Variants in LIG1 observed in about 807,000 individuals in gnomAD.
LIG1 encodes DNA ligase 1, also known as ligase I, DNA, ATP-dependent.
In LIG1, 70 loss-of-function variants were observed where a neutral mutation model predicts 115.7. The ratio of observed to expected loss-of-function variants is 0.60; its 90% CI spans 0.50 to 0.74. The LOEUF (loss-of-function observed/expected upper bound fraction) is 0.74. Among genes scored for constraint, LIG1 ranks in the 30% least tolerant of loss-of-function variants. The pLI is 0.00. For missense variants in LIG1, 1,115 were observed against 1,225.6 expected (o/e 0.91, Z 1.35); for synonymous variants, 487 against 495.3 (o/e 0.98, Z 0.22).
rs762481517 is a variant in LIG1 at position 48,115,694 on chromosome 19, G to A, written c.2715C>T (p.Asn905=). The change falls in exon 28 of 28, where the codon AAC becomes AAT. Residue 905 remains asparagine (N), a synonymous_variant. Transcript: ENST00000263274. The stretch of plus-strand genomic sequence containing the variant: ...CAGAGCCTGAGTCCTCGCCTTGTTG[G>A]TTCTGAATCTGACTTTGCTTCCGGT... ...CLYRKQSQIQ[N]QQGEDSGSDP... is the part of the protein sequence containing the mutation. 6.2e-7 allele frequency: 1 copy of A among 1,614,182 alleles called. No homozygotes were observed. Among genetic ancestry groups the A allele is most frequent in the East Asian group, 2.2e-5 (1 of 44,888 alleles).
chr19:48,150,004 G>T, intron 8 of LIG1, 84 bp downstream of exon 8: 1 of 1,603,388 alleles, frequency 6.2e-7, no homozygotes, highest in Non-Finnish European at 8.5e-7. Context: ...AAGGGTCTTC[G>T]CAGCATCTCA....
intron 21 of LIG1, among the ~76,000 whole-genome samples, chr19:48,125,570 C>T (rs746228965): frequency 2.6e-5 from 4 of 152,116 alleles, no homozygotes; most frequent in African/African-American, 4.8e-5. Context: ...AAAAGACACG[C>T]GGAGGCAAGT....
chr19:48,163,123 G>A (rs2123043552), intron 2 of LIG1, among the ~76,000 whole-genome samples: 1 of 151,612 alleles, frequency 6.6e-6, no homozygotes, highest in Middle Eastern at 3.4e-3. Context: ...TCTCCATGTT[G>A]GCCAGGCCAG....
chr19:48,170,278 A>T lies in LIG1; in HGVS notation c.-95T>A, dbSNP rs867278155. 2.0e-5 allele frequency: 9 copies of T among 454,288 alleles called. No individual in the cohort carries two copies. In the Middle Eastern group the frequency reaches 2.9e-3, roughly 149 times the overall value. 28.1% of individuals were successfully genotyped at this position (454,288 alleles called of 1,614,324 possible). A position where few individuals can be genotyped will look rare whatever the true frequency, so the allele number is the denominator to read the frequency against. On this transcript the variant is annotated 5_prime_UTR_variant, in exon 1 of 28. Transcript: ENST00000263274. ...CCGCGCGCCGCTGCCCGGGCAACAC[A>T]CTCAGATCCGCCAGGCGCGCCTCTG...
At chr19:48,161,927 G>A (rs2036203450) in intron 3 of LIG1, among the ~76,000 whole-genome samples, 1 of 150,386 alleles carries the variant, frequency 6.6e-6, no homozygotes, top group East Asian at 2.0e-4. Flanking sequence ...GTGAGAGTGA[G>A]ACTCCATTTC....
At chr19:48,141,869 C>T (rs953396806) in intron 11 of LIG1, among the ~76,000 whole-genome samples, 1 of 152,072 alleles carries the variant, frequency 6.6e-6, no homozygotes, top group African/African-American at 2.4e-5. Flanking sequence ...GATGGAACAG[C>T]CCCCCCAAAA....
Position 48,121,175 on chromosome 19 carries a change from A to G in LIG1, c.2380T>C (p.Cys794Arg). Residue 794 changes from cysteine (C) to arginine (R), a missense_variant, in exon 24 of 28, where the codon TGC becomes CGC. Cys to Arg is a radical substitution (Grantham distance 180). Transcript: ENST00000263274. ...DEDSEELQAI[C>R]KLGTGFSDEE... is the part of the protein sequence containing the mutation. ...CAGCCCCAGTTCCCCAGGACCTTGC[A>G]TATGGCCTGCAGCTCCTCACTGTCC... is the stretch of plus-strand genomic sequence containing the variant. 1.2e-6 allele frequency: 2 copies of G among 1,614,102 alleles called. No homozygotes were observed. The highest frequency in any genetic ancestry group is 1.7e-6 in the Non-Finnish European group (2 of 1,180,008).
intron 17 of LIG1, 55 bp from the exon 18 acceptor site, chr19:48,133,152 G>T: frequency 8.7e-7 from 1 of 1,143,976 alleles, no homozygotes; most frequent in Non-Finnish European, 1.3e-6. Flanking sequence ...ATTAGAGGGG[G>T]AACATGGAGA....
chr19:48,162,268 G>A lies in LIG1; in HGVS notation c.101C>T (p.Pro34Leu), dbSNP rs2036223074. ...TCCCAGCCCTGTGACATACTTTGGA[G>A]GGGGCTCCGTCTCTCTGCTGCTATT... ...ASNSSRETEP[P>L]PKAALKEWNG... Residue 34 changes from proline (P) to leucine (L), a missense_variant, in exon 3 of 28, where the codon CCT becomes CTT. Physicochemically the swap from Pro to Leu is moderately conservative, Grantham distance 98 (BLOSUM62 -3). Coordinates refer to ENST00000263274, the MANE Select transcript of LIG1 (RefSeq NM_000234.3). 1 of 1,612,922 alleles carries A rather than the reference G, an allele frequency of 6.2e-7. No individual in the cohort carries two copies. Among genetic ancestry groups the A allele is most frequent in the African/African-American group, 1.3e-5 (1 of 74,880 alleles).
At chr19:48,167,904 G>T (rs1276525010) in intron 1 of LIG1, among the ~76,000 whole-genome samples, 1 of 151,886 alleles carries the variant, frequency 6.6e-6, no homozygotes, top group Non-Finnish European at 1.5e-5. Context: ...GGGCCAGTTG[G>T]GGAGCAGGAA....
chr19:48,115,904 T>C lies in LIG1; in HGVS notation c.2645A>G (p.Lys882Arg), dbSNP rs745417422. ...FPRFIRVRED[K>R]QPEQATTSAQ... is the part of the protein sequence containing the mutation. ...ACTGGTGGTGGCCTGCTCCGGCTGCTTGTCTTCACGGACTCGAATAAACCG... is the reference window on the plus strand; with the variant it reads ...ACTGGTGGTGGCCTGCTCCGGCTGCCTGTCTTCACGGACTCGAATAAACCG... The change falls in exon 27 of 28, where the codon AAG (lysine) becomes AGG (arginine). Residue 882 changes from lysine (K) to arginine (R), a missense_variant. Transcript: ENST00000263274. 6.2e-7 allele frequency: 1 copy of C among 1,614,014 alleles called. No individual in the cohort carries two copies. The highest frequency in any genetic ancestry group is 8.5e-7 in the Non-Finnish European group (1 of 1,180,002).
rs772372146 is a variant in LIG1 at position 48,137,646 on chromosome 19, C to T, written c.1130G>A (p.Gly377Asp). ...GTTCTCGGCCACCAGCCCCACGTCG[C>T]CTTTCTCGGCTGCCTCAGCCCGGAC... ...ESVRAEAAEK[G>D]DVGLVAENSR... The change falls in exon 13 of 28, where the codon GGC becomes GAC. Residue 377 changes from glycine (G) to aspartate (D), a missense_variant. Gly to Asp is a moderately conservative substitution (Grantham distance 94). Transcript: ENST00000263274. The surrounding 1 kb of genome is among the most constrained non-coding windows in gnomAD (Gnocchi z 4.3). 1.2e-6 allele frequency: 2 copies of T among 1,609,068 alleles called. No homozygotes were observed. The highest frequency in any genetic ancestry group is 2.2e-5 in the South Asian group (2 of 91,054).
In LIG1 at chr19:48,133,978, T is replaced by C. The variant is rs1230602763; in HGVS notation, c.1609+3A>G. Reference sequence around the variant, plus strand: ...GGCTGGTGAGCGCCCCTGGGGCCTGTACCTGGGCTCAGCTTGCAGTGCTCC... The same window carrying C: ...GGCTGGTGAGCGCCCCTGGGGCCTGCACCTGGGCTCAGCTTGCAGTGCTCC... On this transcript the variant is annotated splice_donor_region_variant and intron_variant, in intron 17 of 27. Coordinates refer to ENST00000263274, the MANE Select transcript of LIG1 (RefSeq NM_000234.3). 1 of 1,552,838 alleles carries C rather than the reference T, an allele frequency of 6.4e-7. No individual in the cohort carries two copies. The highest frequency in any genetic ancestry group is 8.7e-7 in the Non-Finnish European group (1 of 1,147,548).
At chr19:48,140,184 G>C in intron 11 of LIG1, 41 bp from the exon 12 acceptor site, 1 of 1,585,406 alleles carries the variant, frequency 6.3e-7, no homozygotes, top group Non-Finnish European at 8.6e-7. Context: ...GGTTCCTCAA[G>C]GTCAAAGTGT....
At chr19:48,161,036 C>T (rs1397822309) in intron 4 of LIG1, 1 of 375,530 alleles carries the variant, frequency 2.7e-6, no homozygotes, top group East Asian at 6.5e-5. Context: ...TGTGCTGGGC[C>T]TTGAGCCCTT....
At chr19:48,143,511 C>G in intron 11 of LIG1, 32 bp downstream of exon 11, 2 of 530,862 alleles carry the variant, frequency 3.8e-6, no homozygotes, top group Non-Finnish European at 7.4e-6. Context: ...GAAGCGACCC[C>G]GCCCCCCACC....
At chr19:48,144,032 G>T (rs2034956675) in intron 9 of LIG1, 69 bp from the exon 10 acceptor site, 1 of 1,245,466 alleles carries the variant, frequency 8.0e-7, no homozygotes, top group Non-Finnish European at 1.2e-6. Flanking sequence ...CCTTCCAACT[G>T]TGATGTGCCA....
intron 21 of LIG1, among the ~76,000 whole-genome samples, chr19:48,123,815 G>A (rs955320664): frequency 1.3e-5 from 2 of 151,170 alleles, no homozygotes; most frequent in African/African-American, 2.4e-5. Context: ...TGGGATTACA[G>A]GCGTGAGCCA....
chr19:48,139,152 C>G (rs2122658592), intron 12 of LIG1, among the ~76,000 whole-genome samples: 1 of 152,328 alleles, frequency 6.6e-6, no homozygotes, highest in East Asian at 1.9e-4. Context: ...CTGAGCCAGA[C>G]CTGGTGAGCC....
Sources: allele counts gnomAD v4.1 joint callset (sites outside exome capture counted in the v4.1 genomes callset), GRCh38; gene constraint gnomAD v4.1.1; non-coding constraint Gnocchi (gnomAD v3.1); transcripts MANE v1.5; gene names NCBI Gene and HGNC (gene_info 2026-07-23, HGNC 2026-07-21).